Variants in MTFMT observed in about 807,000 individuals in gnomAD.
The protein encoded by MTFMT is mitochondrial methionyl-tRNA formyltransferase, also known as methionyl-tRNA formyltransferase, mitochondrial.
MTFMT carries 47 observed loss-of-function variants against 51.8 expected under a neutral mutation model. The ratio of observed to expected loss-of-function variants is 0.91; its 90% CI spans 0.72 to 1.16. MTFMT has a LOEUF of 1.16. MTFMT is among the 50% of genes most tolerant of loss of function. MTFMT has a pLI of 0.00. For synonymous variants in MTFMT, 196 were observed against 176.7 expected, an observed-to-expected ratio of 1.11 and a Z score of -0.87; for missense variants, 512 against 482.3, an observed-to-expected ratio of 1.06 and a Z score of -0.58.
intron 3 of MTFMT, among the ~76,000 whole-genome samples, chr15:65,022,852 G>A (rs1390510178): frequency 6.6e-6 from 1 of 151,340 alleles, no homozygotes; most frequent in Non-Finnish European, 1.5e-5. Context: ...GACTACAGGT[G>A]TGTATCACCA....
At chr15:65,012,066 T>C (rs2086272298) in intron 6 of MTFMT, among the ~76,000 whole-genome samples, 1 of 144,972 alleles carries the variant, frequency 6.9e-6, no homozygotes, top group Admixed American at 7.2e-5. Context: ...GACATCCAGT[T>C]ATCCCAGCTC....
chr15:65,023,237 G>GA (rs765125818), intron 3 of MTFMT, among the ~76,000 whole-genome samples: 1 of 151,948 alleles, frequency 6.6e-6, no homozygotes, highest in African/African-American at 2.4e-5. Flanking sequence ...GGTATGACAG[G>GA]AAAAAATGAA....
In MTFMT at chr15:65,002,322, G is replaced by C. The variant is rs1018442180; in HGVS notation, c.*740C>G. Reference sequence around the variant, plus strand: ...GGAGGCTGAGGCAGGAGAATGGTGTGAACCCGGGAGGTGGAGCTTGCAGTG... The same window carrying C: ...GGAGGCTGAGGCAGGAGAATGGTGTCAACCCGGGAGGTGGAGCTTGCAGTG... On this transcript the variant is annotated 3_prime_UTR_variant, in exon 9 of 9. Transcript: ENST00000220058. The C allele has an allele frequency of 2.6e-5, 4 of 151,958 alleles. No homozygotes were observed. The highest frequency in any genetic ancestry group is 9.7e-5 in the African/African-American group (4 of 41,370). 9.4% of individuals were successfully genotyped at this position (151,958 alleles called of 1,614,324 possible).
In MTFMT at chr15:65,016,487, C is replaced by T. The variant is rs1490539145; in HGVS notation, c.762G>A (p.Glu254=). The change falls in exon 6 of 9, where the codon GAG becomes GAA. Residue 254 remains glutamate, a synonymous_variant. Transcript: ENST00000220058. ...TGAATATTTGTTCTGAAGTTTGTTC[C>T]TCCCATTTTATACAACTGGTACCAG... ...ISAGTSCIKW[E]EQTSEQIFRL... 6.2e-7 allele frequency: 1 copy of T among 1,612,540 alleles called. No individual in the cohort carries two copies. The highest frequency in any genetic ancestry group is 1.1e-5 in the South Asian group (1 of 91,028).
intron 6 of MTFMT, among the ~76,000 whole-genome samples, 187 bp from the exon 7 acceptor site, chr15:65,006,378 CTTTTTT>C (rs796457972): frequency 2.2e-5 from 3 of 136,228 alleles, no homozygotes; most frequent in African/African-American, 5.4e-5. Flanking sequence ...TTTATAAGAT[CTTTTTT>C]TTTTTTTTTT....
chr15:65,027,285 C>A (rs2086434078), intron 1 of MTFMT, among the ~76,000 whole-genome samples: 1 of 151,680 alleles, frequency 6.6e-6, no homozygotes, highest in African/African-American at 2.4e-5. Flanking sequence ...GCAACCTCTG[C>A]CCCCTAGGTT....
In MTFMT at chr15:65,026,833, G is replaced by C. The variant is rs2086428464; in HGVS notation, c.417C>G (p.Pro139=). Residue 139 remains proline (P), a splice_region_variant and synonymous_variant, in exon 2 of 9, where the codon CCC becomes CCG. Transcript: ENST00000220058. ...LLNEALILKF[P]YGILNVHPSC... ...ATTTCCTTACAAATAAAACTTACTA[G>C]GGAAATTTAAGAATAAGAGCCTCAT... 1.2e-6 allele frequency: 2 copies of C among 1,612,740 alleles called. No individual in the cohort carries two copies. Among genetic ancestry groups the C allele is most frequent in the East Asian group, 2.2e-5 (1 of 44,876 alleles).
chr15:65,006,010 CTA>C (rs746709975), intron 7 of MTFMT, 101 bp downstream of exon 7: 1 of 753,900 alleles, frequency 1.3e-6, no homozygotes, highest in Non-Finnish European at 2.2e-6. Flanking sequence ...CTGAAACAAA[CTA>C]AAAGTTATTT....
intron 2 of MTFMT, chr15:65,026,512 G>A: frequency 3.4e-6 from 1 of 293,270 alleles, no homozygotes. Context: ...ACCAGAGAAA[G>A]GGAACATCTT....
chr15:65,010,438 TTTCATATAA>T (rs2086254629), intron 6 of MTFMT, among the ~76,000 whole-genome samples: 1 of 152,332 alleles, frequency 6.6e-6, no homozygotes, highest in East Asian at 1.9e-4. Flanking sequence ...ATTTTGGACA[TTTCATATAA>T]ATGGAATAAT....
intron 3 of MTFMT, among the ~76,000 whole-genome samples, chr15:65,022,313 C>T (rs2086380735): frequency 1.3e-5 from 2 of 152,058 alleles, no homozygotes; most frequent in South Asian, 2.1e-4. Flanking sequence ...ATTAGCCGGG[C>T]ATGGTAGCGT....
chr15:65,022,316 G>A (rs2086380807), intron 3 of MTFMT, among the ~76,000 whole-genome samples: 2 of 152,126 alleles, frequency 1.3e-5, no homozygotes, highest in South Asian at 2.1e-4. Context: ...AGCCGGGCAT[G>A]GTAGCGTGTG....
At chr15:65,029,183 C>A (rs1474702359) in intron 1 of MTFMT, 1 of 817,274 alleles carries the variant, frequency 1.2e-6, no homozygotes, top group Non-Finnish European at 1.5e-6. Context: ...CCCACAGAGG[C>A]GGCGGGGAGT....
At chr15:65,006,880 AC>A (rs2086223945) in intron 6 of MTFMT, among the ~76,000 whole-genome samples, 1 of 152,084 alleles carries the variant, frequency 6.6e-6, no homozygotes, top group Non-Finnish European at 1.5e-5. Context: ...ATTTTTTTCT[AC>A]AAATATTATT....
At chr15:65,003,349 A>G in intron 8 of MTFMT, 93 bp from the exon 9 acceptor site, 1 of 951,524 alleles carries the variant, frequency 1.1e-6, no homozygotes, top group South Asian at 1.6e-5. Context: ...TCATGGAAAC[A>G]AACAAACCAA....
intron 6 of MTFMT, among the ~76,000 whole-genome samples, chr15:65,011,232 G>A (rs2086262273): frequency 1.3e-5 from 2 of 152,128 alleles, no homozygotes; most frequent in South Asian, 4.1e-4. Context: ...TGAGGCAGGA[G>A]AATCGCTTGA....
At chr15:65,020,746 G>C (rs2086367196) in intron 4 of MTFMT, among the ~76,000 whole-genome samples, 1 of 152,180 alleles carries the variant, frequency 6.6e-6, no homozygotes, top group African/African-American at 2.4e-5. Context: ...AAGTTATTTA[G>C]CTTGTCTCTG....
chr15:65,014,286 T>C (rs1210650632), intron 6 of MTFMT, among the ~76,000 whole-genome samples: 1 of 152,092 alleles, frequency 6.6e-6, no homozygotes, highest in Non-Finnish European at 1.5e-5. Flanking sequence ...CATGATCCTA[T>C]TTTTATTTTC....
intron 8 of MTFMT, 62 bp from the exon 9 acceptor site, chr15:65,003,318 T>A: frequency 7.8e-7 from 1 of 1,280,562 alleles, no homozygotes. Flanking sequence ...GCCAAGTAAA[T>A]ATTAGTTTAT....
Sources: gnomAD v4.1 joint callset for allele counts (sites outside exome capture counted in the v4.1 genomes callset) on GRCh38, gnomAD v4.1.1 for gene constraint, MANE v1.5 for transcripts, NCBI Gene and HGNC (gene_info 2026-07-23, HGNC 2026-07-21) for gene names.